The following DYNC2I1 variants were observed in gnomAD, a reference collection of about 807,000 sequenced individuals.
DYNC2I1 encodes the protein cytoplasmic dynein 2 intermediate chain 1.
DYNC2I1 carries 89 observed loss-of-function variants against 133.4 expected under a neutral mutation model. The ratio of observed to expected loss-of-function variants is 0.67; its 90% confidence interval spans 0.56 to 0.80. The LOEUF (loss-of-function observed/expected upper bound fraction) is 0.80, where lower values mean the gene tolerates loss of function less well. Ranked by LOEUF, DYNC2I1 falls within the 30% of genes least tolerant of loss-of-function variation. The pLI is 0.00. For synonymous variants in DYNC2I1, 504 were observed against 484.3 expected (o/e 1.04, Z -0.54); for missense variants, 1,291 against 1,314.5 (o/e 0.98, Z 0.28).
intron 1 of DYNC2I1, among the ~76,000 whole-genome samples, chr7:158,858,984 TC>T (rs1223738347): frequency 2.5e-4 from 13 of 51,916 alleles, no homozygotes; most frequent in African/African-American, 9.4e-4. Flanking sequence ...TTTCCTCCCC[TC>T]CCCCCCTTTC....
intron 20 of DYNC2I1, among the ~76,000 whole-genome samples, chr7:158,927,771 T>G (rs953483708): frequency 4.6e-5 from 7 of 152,142 alleles, no homozygotes; most frequent in Non-Finnish European, 1.0e-4. Flanking sequence ...AGGCTGGTCT[T>G]GAACTCCTGA....
intron 20 of DYNC2I1, among the ~76,000 whole-genome samples, chr7:158,927,408 T>TAAA (rs71189436): frequency 1.4e-5 from 2 of 143,014 alleles, no homozygotes; most frequent in African/African-American, 2.6e-5. Context: ...GTCTCTCTGT[T>TAAA]AAAAAAAAAA....
At chr7:158,906,239 A>C in intron 11 of DYNC2I1, 148 bp downstream of exon 11, 1 of 667,192 alleles carries the variant, frequency 1.5e-6, no homozygotes, top group Non-Finnish European at 2.6e-6. Flanking sequence ...TTTTGTGTTG[A>C]GATCTTATGT....
At position 158,945,374 on chromosome 7, in the gene DYNC2I1, C is replaced by T. The variant is rs1482382327; in HGVS notation, c.3003-207C>T. Among the ~76,000 whole-genome samples, 1 of 152,164 alleles carries T rather than the reference C, an allele frequency of 6.6e-6. No homozygotes were observed. Among genetic ancestry groups the T allele is most frequent in the East Asian group, 1.9e-4 (1 of 5,202 alleles). ...AGCACGTCCTCATCACTTACCTCTG[C>T]GAAGTTCCATCTGGCAGGCCTCTGA... On this transcript the variant is annotated intron_variant, in intron 24 of 24. Transcript: ENST00000407559. The surrounding 1 kb of genome is among the most constrained non-coding windows in gnomAD (Gnocchi z 4.1).
Position 158,942,135 on chromosome 7 carries a change from G to A in DYNC2I1, c.2989G>A (p.Val997Ile), listed in dbSNP as rs757544396. 63 of 1,553,142 alleles carry A rather than the reference G, an allele frequency of 4.1e-5. 1 individual carries two copies. In the South Asian group the frequency reaches 7.1e-4, roughly 18 times the overall value. Residue 997 changes from valine to isoleucine, a missense_variant, in exon 24 of 25, where the codon GTC (valine) becomes ATC (isoleucine). Val to Ile is a conservative substitution (Grantham distance 29, BLOSUM62 3). Coordinates refer to ENST00000407559, the MANE Select transcript of DYNC2I1 (RefSeq NM_018051.5). ...SDLGPVAKQQ[V>I]SPNRLVAMAA... is the part of the protein sequence containing the mutation. ...TCTGGGTCCTGTCGCCAAACAGCAG[G>A]TCTCCCCCAACAGGCAAGTGGGGAA...
In DYNC2I1 at chr7:158,945,721, A is replaced by G. The variant is rs1851822803; in HGVS notation, c.3143A>G (p.Asn1048Ser). 3.7e-6 allele frequency: 6 copies of G among 1,608,198 alleles called. No homozygotes were observed. The highest frequency in any genetic ancestry group is 3.4e-6 in the Non-Finnish European group (4 of 1,176,802). The change falls in exon 25 of 25, where the codon AAC becomes AGC. Residue 1048 changes from asparagine to serine, a missense_variant. By Grantham distance (46) the Asn-to-Ser change is conservative (BLOSUM62 1). Transcript: ENST00000407559. The surrounding 1 kb of genome is among the most constrained non-coding windows in gnomAD (Gnocchi z 4.1). ...GCGGCCCCGGAGGTGGACGAGTGCA[A>G]CAGGCTGCGTCTGCTTTTGCAGGAA... ...RWAAPEVDEC[N>S]RLRLLLQEAL...
chr7:158,880,303 G>A (rs1050043135), intron 5 of DYNC2I1, among the ~76,000 whole-genome samples: 1 of 152,154 alleles, frequency 6.6e-6, no homozygotes, highest in African/African-American at 2.4e-5. Context: ...TTGGGAGGCC[G>A]AGGTGGGTGG....
In DYNC2I1 at chr7:158,929,682, C is replaced by T. The variant is rs555187372; in HGVS notation, c.2486-773C>T. On this transcript the variant is annotated intron_variant, in intron 20 of 24. Coordinates refer to ENST00000407559, the MANE Select transcript of DYNC2I1 (RefSeq NM_018051.5). ...CTGCAGGTTGGGCTTATTTCTATCT[C>T]CTTTTAATTCACCTGCCCCCAGAGT... Among the ~76,000 whole-genome samples, 5 of 152,350 alleles carry T rather than the reference C, an allele frequency of 3.3e-5. No homozygotes were observed. The South Asian group carries it at 6.2e-4, about 19-fold the overall frequency.
rs1044534738 is a variant in DYNC2I1, at chr7:158,937,354, C to T, written c.2778+2805C>T. Among the ~76,000 whole-genome samples the T allele has an allele frequency of 5.9e-5, 9 of 152,146 alleles. No homozygotes were observed. The East Asian group carries it at 1.5e-3, about 26-fold the overall frequency. ...GAAAATACACAATCAATGCTGGGCG[C>T]GGTGGCTCACGCCTATAATCCCAGC... On this transcript the variant is annotated intron_variant, in intron 23 of 24. Transcript: ENST00000407559.
At chr7:158,913,291 G>A (rs534568207) in intron 13 of DYNC2I1, among the ~76,000 whole-genome samples, 195 bp downstream of exon 13, 1 of 152,232 alleles carries the variant, frequency 6.6e-6, no homozygotes, top group African/African-American at 2.4e-5. Context: ...TGAACTACAA[G>A]TGGGAGGAAA....
At chr7:158,947,725 T>C (rs532669817), downstream of DYNC2I1, among the ~76,000 whole-genome samples, 1 of 152,300 alleles carries the variant, frequency 6.6e-6, no homozygotes, top group East Asian at 1.9e-4. Flanking sequence ...CACTCCCCCC[T>C]CTGAAGCCCT....
upstream of DYNC2I1, among the ~76,000 whole-genome samples, chr7:158,856,179 C>T (rs1475292952): frequency 6.6e-6 from 1 of 152,010 alleles, no homozygotes; most frequent in Admixed American, 6.5e-5. Flanking sequence ...ATCTCCTGAC[C>T]TCATGATCCA....
chr7:158,917,704 C>T lies in DYNC2I1; in HGVS notation c.1792-1036C>T, dbSNP rs377177205. ...CACCCTCCACCTCTCACTAAACACCCCCTGCCCTCCACACTCCACCCTCTG... is the reference window on the plus strand; with the variant it reads ...CACCCTCCACCTCTCACTAAACACCTCCTGCCCTCCACACTCCACCCTCTG... On this transcript the variant is annotated intron_variant, in intron 14 of 24. Transcript: ENST00000407559. 6.0e-3 allele frequency among the ~76,000 whole-genome samples: 818 copies of T among 136,920 alleles called. 19 individuals are homozygous for T. The highest frequency in any genetic ancestry group is 0.021 in the African/African-American group (746 of 35,746). 89.8% of individuals were successfully genotyped at this position (136,920 alleles called of 152,430 possible).
intron 20 of DYNC2I1, among the ~76,000 whole-genome samples, chr7:158,929,961 A>T (rs1850053785): frequency 6.6e-6 from 1 of 152,224 alleles, no homozygotes. Flanking sequence ...GAGTGAGGCC[A>T]GACGCACTCG....
chr7:158,940,899 C>A (rs1585249128), intron 23 of DYNC2I1, among the ~76,000 whole-genome samples: 1 of 151,900 alleles, frequency 6.6e-6, no homozygotes, highest in Non-Finnish European at 1.5e-5. Flanking sequence ...TTCAAATAAA[C>A]AATGTAACAA....
chr7:158,851,788 T>C (rs1841065383), upstream of DYNC2I1, among the ~76,000 whole-genome samples: 1 of 152,204 alleles, frequency 6.6e-6, no homozygotes, highest in Non-Finnish European at 1.5e-5. Flanking sequence ...GCAGATTGAA[T>C]CATGAATCAT....
chr7:158,923,926 A>C (rs548806300), intron 17 of DYNC2I1, among the ~76,000 whole-genome samples, 193 bp downstream of exon 17: 1 of 152,392 alleles, frequency 6.6e-6, no homozygotes, highest in East Asian at 1.9e-4. Flanking sequence ...CCAGTGACCA[A>C]GAATGACTTG....
Position 158,914,275 on chromosome 7 carries a change from A to T in DYNC2I1, c.1745A>T (p.Lys582Met). The T allele has an allele frequency of 6.2e-7, 1 of 1,613,068 alleles. No individual in the cohort carries two copies. The highest frequency in any genetic ancestry group is 1.1e-5 in the South Asian group (1 of 90,818). ...ACCTCTGATGCTGTAGTTATGCCAA[A>T]GATTGATACTCCAAGGTTATGTAGC... ...RDTSDAVVMP[K>M]IDTPRLCSFL... Residue 582 changes from lysine to methionine, a missense_variant, in exon 14 of 25, where the codon AAG becomes ATG. Coordinates refer to ENST00000407559, the MANE Select transcript of DYNC2I1 (RefSeq NM_018051.5).
intron 2 of DYNC2I1, 106 bp from the exon 3 acceptor site, chr7:158,871,036 T>C (rs1842826914): frequency 7.7e-7 from 1 of 1,293,846 alleles, no homozygotes; most frequent in Non-Finnish European, 1.1e-6. Context: ...AATGCAAATA[T>C]GTTTTAAGGC....
Sources: allele counts gnomAD v4.1 joint callset (sites outside exome capture counted in the v4.1 genomes callset), GRCh38; gene constraint gnomAD v4.1.1; non-coding constraint Gnocchi (gnomAD v3.1); transcripts MANE v1.5; gene names NCBI Gene and HGNC (gene_info 2026-07-23, HGNC 2026-07-21).